The following CHTF18 variants were observed in gnomAD, a reference collection of about 807,000 sequenced individuals.
CHTF18 encodes the protein chromosome transmission fidelity factor 18.
Under a neutral mutation model 113.4 loss-of-function variants are expected in CHTF18, and 151 were observed. The observed-to-expected ratio is 1.33, with a 90% CI of 1.17 to 1.52. The LOEUF (loss-of-function observed/expected upper bound fraction) is 1.52. CHTF18 is among the 40% of genes most tolerant of loss of function. CHTF18 has a pLI of 0.00. For missense variants in CHTF18, 1,982 were observed against 1,381.6 expected, an observed-to-expected ratio of 1.43 and a Z score of -6.89; for synonymous variants, 916 against 598.8, an observed-to-expected ratio of 1.53 and a Z score of -7.74.
rs61753374 is a variant in CHTF18 at position 795,278 on chromosome 16, C to T, written c.2097C>T (p.Pro699=). 18,226 of 1,549,172 alleles carry T rather than the reference C, an allele frequency of 0.012. 142 individuals are homozygous for T. Among genetic ancestry groups the T allele is most frequent in the Middle Eastern group, 0.02 (104 of 5,098 alleles). The change falls in exon 16 of 22, where the codon CCC becomes CCT. Residue 699 remains proline, a synonymous_variant. Transcript: ENST00000262315. ...SQSFQLLRYP[P]FLPVAFHVLF... ...GCTTCCAGCTGCTGCGCTACCCACC[C>T]TTCCTGCCCGTGGCCTTCCATGTGC...
rs1263692783 is a variant in CHTF18, at chr16:796,840, C to T, written c.2580C>T (p.Ala860=). 17 of 1,605,928 alleles carry T rather than the reference C, an allele frequency of 1.1e-5. 1 individual carries two copies. The highest frequency in any genetic ancestry group is 2.2e-5 in the South Asian group (2 of 90,398). ...VEKMRRAEAS[A]RVENSPQVDG... ...AGATGCGGCGGGCGGAGGCTTCTGC[C>T]CGGGTAGAGAACAGCCCCCAGGTGA... is the stretch of plus-strand genomic sequence containing the variant. Residue 860 remains alanine, a synonymous_variant, in exon 19 of 22, where the codon GCC becomes GCT. Transcript: ENST00000262315.
chr16:794,071 A>G lies in CHTF18; in HGVS notation c.1820A>G (p.Asp607Gly), dbSNP rs749330797. 8 of 1,610,808 alleles carry G rather than the reference A, an allele frequency of 5.0e-6. No individual in the cohort carries two copies. In the South Asian group the frequency reaches 7.7e-5, roughly 15 times the overall value. Residue 607 changes from aspartate (D) to glycine (G), a missense_variant, in exon 15 of 22, where the codon GAC becomes GGC. Coordinates refer to ENST00000262315, the MANE Select transcript of CHTF18 (RefSeq NM_022092.3). ...PRAQRRRVGQDPALPADTLLL... is the reference protein window; with the variant it reads ...PRAQRRRVGQGPALPADTLLL... ...ACCTGCAGGCGCCGTGTGGGCCAGG[A>G]CCCCGCCCTGCCTGCTGACACACTC...
chr16:797,519 T>G (rs2042386173), intron 20 of CHTF18, among the ~76,000 whole-genome samples, 175 bp from the exon 21 acceptor site: 2 of 151,924 alleles, frequency 1.3e-5, no homozygotes, highest in South Asian at 4.2e-4. Context: ...TGGCACCTGG[T>G]GGGGAGCAGA....
chr16:793,938 T>G, intron 14 of CHTF18, 116 bp from the exon 15 acceptor site: 4 of 1,216,116 alleles, frequency 3.3e-6, no homozygotes, highest in Non-Finnish European at 3.5e-6. Flanking sequence ...AGGGCCCTGC[T>G]GAGAAGAATG....
intron 14 of CHTF18, 187 bp from the exon 15 acceptor site, chr16:793,867 A>G (rs905995507): frequency 1.5e-6 from 1 of 654,232 alleles, no homozygotes; most frequent in Non-Finnish European, 2.6e-6. Context: ...GCTTAAGGGA[A>G]TGTTTCAGGG....
chr16:789,881 C>G lies in CHTF18; in HGVS notation c.606+166C>G, dbSNP rs117453446. The G allele has an allele frequency of 6.0e-6, 8 of 1,338,902 alleles. No homozygotes were observed. In the Admixed American group the frequency reaches 1.4e-4, roughly 24 times the overall value. 82.9% of individuals were successfully genotyped at this position (1,338,902 alleles called of 1,614,324 possible). ...GGGGCGTAGACTTAGAGGACACAGCCTCCCCACAGCAGGTTGCTGTCCAGC... is the reference window on the plus strand; with the variant it reads ...GGGGCGTAGACTTAGAGGACACAGCGTCCCCACAGCAGGTTGCTGTCCAGC... On this transcript the variant is annotated intron_variant, in intron 4 of 21. Coordinates refer to ENST00000262315, the MANE Select transcript of CHTF18 (RefSeq NM_022092.3).
At chr16:792,033 T>C (rs1345880583) in intron 9 of CHTF18, 85 bp downstream of exon 9, 2 of 1,549,288 alleles carry the variant, frequency 1.3e-6, no homozygotes, top group Non-Finnish European at 1.7e-6. Context: ...CGGGTGTGGA[T>C]GTTCCCGTCT....
At chr16:797,425 C>T (rs554471714) in intron 20 of CHTF18, among the ~76,000 whole-genome samples, 84 of 152,226 alleles carry the variant, frequency 5.5e-4, no homozygotes, top group African/African-American at 1.7e-3. Context: ...AGGACCAGCT[C>T]CTTACCCTCA....
At chr16:789,409 CAGAT>C (rs1264582517) in intron 3 of CHTF18, 49 bp downstream of exon 3, 9 of 1,539,400 alleles carry the variant, frequency 5.8e-6, no homozygotes, top group South Asian at 5.0e-5. Context: ...CAGTGGGACT[CAGAT>C]GGAGCCCATC....
chr16:790,502 G>T, intron 6 of CHTF18, 23 bp from the exon 7 acceptor site: 1 of 1,604,664 alleles, frequency 6.2e-7, no homozygotes, highest in Non-Finnish European at 8.5e-7. Context: ...GTTGTTTGTG[G>T]CTCAGGACGT....
chr16:788,682 G>C lies in CHTF18; in HGVS notation c.-3G>C, dbSNP rs1334957839. The C allele has an allele frequency of 1.9e-5, 30 of 1,546,672 alleles. No homozygotes were observed. Among genetic ancestry groups the C allele is most frequent in the Non-Finnish European group, 2.3e-5 (27 of 1,150,632 alleles). ...GGAGCGGGAGCTCGGGCTCGCGGAC[G>C]GTATGGAGGACTACGAGCAGGAGCT... On this transcript the variant is annotated 5_prime_UTR_variant, in exon 1 of 22. Transcript: ENST00000262315.
At chr16:791,743 T>C (rs545413224) in intron 8 of CHTF18, 108 bp from the exon 9 acceptor site, 16 of 1,467,758 alleles carry the variant, frequency 1.1e-5, no homozygotes, top group East Asian at 2.5e-5. Context: ...TGGAGTGGGG[T>C]GGAGGGAGCG....
At position 789,783 on chromosome 16, in the gene CHTF18, C is replaced by T. The variant is rs1050143918; in HGVS notation, c.606+68C>T. On this transcript the variant is annotated intron_variant, in intron 4 of 21. Coordinates refer to ENST00000262315, the MANE Select transcript of CHTF18 (RefSeq NM_022092.3). ...TGCTCAGGAAAGGGTCCTTGGAGCC[C>T]CTCACCCCTGCCATTTGCTTAAAGC... 3.4e-6 allele frequency: 5 copies of T among 1,469,398 alleles called. No individual in the cohort carries two copies. The East Asian group carries it at 9.7e-5, about 28-fold the overall frequency. 91.0% of individuals were successfully genotyped at this position (1,469,398 alleles called of 1,614,324 possible).
Position 795,141 on chromosome 16 carries a change from G to T in CHTF18, c.1960G>T (p.Asp654Tyr). 1 of 1,548,208 alleles carries T rather than the reference G, an allele frequency of 6.5e-7. No homozygotes were observed. The highest frequency in any genetic ancestry group is 1.2e-5 in the South Asian group (1 of 84,138). ...EHEKVVQGLF[D>Y]NFLRLRLRDS... ...TGCCGGCCGCCTGCAGGGCTTGTTT[G>T]ACAACTTCCTGCGTCTGCGGCTGCG... The change falls in exon 16 of 22, where the codon GAC (aspartate) becomes TAC (tyrosine). Residue 654 changes from aspartate (D) to tyrosine (Y), a missense_variant. Transcript: ENST00000262315.
In CHTF18 at chr16:792,804, T is replaced by TCCAGGAGGTCGGTGGAGCC; in HGVS notation, c.1572+1_1572+19dup. 6.5e-7 allele frequency: 1 copy of TCCAGGAGGTCGGTGGAGCC among 1,540,924 alleles called. No individual in the cohort carries two copies. Among genetic ancestry groups the TCCAGGAGGTCGGTGGAGCC allele is most frequent in the East Asian group, 2.4e-5 (1 of 40,922 alleles). ...CTGCCCTCGAGGCTGGTGCAGCGGCTCCAGGAGGTCGGTGGAGCCCCAGGA... is the reference window on the plus strand; with the variant it reads ...CTGCCCTCGAGGCTGGTGCAGCGGCTCCAGGAGGTCGGTGGAGCCCCAGGAGGTCGGTGGAGCCCCAGGA... On this transcript the variant is annotated frameshift_variant, in exon 12 of 22. Coordinates refer to ENST00000262315, the MANE Select transcript of CHTF18 (RefSeq NM_022092.3). LOFTEE classifies it high-confidence loss of function.
Position 789,635 on chromosome 16 carries a change from G to A in CHTF18, c.526G>A (p.Asp176Asn). The A allele has an allele frequency of 2.5e-6, 4 of 1,607,710 alleles. No individual in the cohort carries two copies. Among genetic ancestry groups the A allele is most frequent in the Non-Finnish European group, 3.4e-6 (4 of 1,179,760 alleles). The change falls in exon 4 of 22, where the codon GAC becomes AAC. Residue 176 changes from aspartate (D) to asparagine (N), a missense_variant. Transcript: ENST00000262315. ...PVLRRPPILE[D>N]YVHVTSTEGV... Reference sequence around the variant, plus strand: ...CCTGAGGCGGCCCCCCATCTTGGAGGACTACGTCCACGTGACATCCACGGA... The same window carrying A: ...CCTGAGGCGGCCCCCCATCTTGGAGAACTACGTCCACGTGACATCCACGGA...
At chr16:788,840 A>G in intron 1 of CHTF18, 65 bp downstream of exon 1, 2 of 1,533,974 alleles carry the variant, frequency 1.3e-6, no homozygotes, top group East Asian at 2.6e-5. Flanking sequence ...GACCTCGGGG[A>G]GGGCGTGCCG....
In CHTF18 at chr16:789,462, C is replaced by T. The variant is rs1019132712; in HGVS notation, c.438-85C>T. 6.5e-6 allele frequency: 10 copies of T among 1,537,548 alleles called. No individual in the cohort carries two copies. In the African/African-American group the frequency reaches 6.8e-5, roughly 11 times the overall value. ...GAGGCCTGGGGGGTGGGGAGGGTTCCATGGCTGAGAGCAGTCTCGGACACC... is the reference window on the plus strand; with the variant it reads ...GAGGCCTGGGGGGTGGGGAGGGTTCTATGGCTGAGAGCAGTCTCGGACACC... On this transcript the variant is annotated intron_variant, in intron 3 of 21. Coordinates refer to ENST00000262315, the MANE Select transcript of CHTF18 (RefSeq NM_022092.3).
At chr16:792,039 C>G (rs984353195) in intron 9 of CHTF18, 91 bp downstream of exon 9, 21 of 1,547,744 alleles carry the variant, frequency 1.4e-5, no homozygotes, top group Non-Finnish European at 1.5e-5. Flanking sequence ...TGGATGTTCC[C>G]GTCTTGAGGG....
Sources: gnomAD v4.1 joint callset for allele counts (sites outside exome capture counted in the v4.1 genomes callset) on GRCh38, gnomAD v4.1.1 for gene constraint, MANE v1.5 for transcripts, NCBI Gene and HGNC (gene_info 2026-07-23, HGNC 2026-07-21) for gene names.